Variants in LOC131768270 observed in about 807,000 individuals in gnomAD.
the LOC131768270 span, chr5:140,565,871 A>AG: frequency 5.0e-6 from 2 of 398,938 alleles, no homozygotes; most frequent in Admixed American, 8.8e-5. Flanking sequence ...CGCTTGTCCT[A>AG]GGATTCTCTG....
the LOC131768270 span, chr5:140,565,118 C>T: frequency 2.6e-6 from 1 of 390,486 alleles, no homozygotes. Flanking sequence ...CAAAAACATT[C>T]ACCCTTAAAC....
the LOC131768270 span, chr5:140,566,745 C>T: frequency 1.7e-5 from 10 of 593,170 alleles, no homozygotes; most frequent in South Asian, 1.0e-4. Flanking sequence ...GCAGTTGCTA[C>T]GCAAGGGGCC....
the LOC131768270 span, chr5:140,567,341 G>C: frequency 6.2e-7 from 1 of 1,614,184 alleles, no homozygotes; most frequent in Non-Finnish European, 8.5e-7. Flanking sequence ...GCTGCTGACT[G>C]AGCTGACCAA....
chr5:140,568,363 T>C, the LOC131768270 span: 1 of 681,172 alleles, frequency 1.5e-6, no homozygotes, highest in Non-Finnish European at 2.5e-6. Context: ...AGGAAATGCT[T>C]ACCATCCCCC....
the LOC131768270 span, chr5:140,567,351 A>C: frequency 6.2e-7 from 1 of 1,614,004 alleles, no homozygotes; most frequent in Non-Finnish European, 8.5e-7. Context: ...GAGCTGACCA[A>C]GCTACTGTTA....
At chr5:140,568,090 C>T in the LOC131768270 span, 1 of 1,613,954 alleles carries the variant, frequency 6.2e-7, no homozygotes, top group Non-Finnish European at 8.5e-7. Context: ...CCGCCTTCTT[C>T]CTGGCCACAT....
the LOC131768270 span, chr5:140,566,875 C>T: frequency 1.6e-6 from 1 of 612,916 alleles, no homozygotes; most frequent in Non-Finnish European, 2.9e-6. Context: ...CTGCCACCTT[C>T]ATCCTTGCCT....
At chr5:140,567,750 T>C in the LOC131768270 span, 3 of 1,614,034 alleles carry the variant, frequency 1.9e-6, no homozygotes, top group Non-Finnish European at 2.5e-6. Context: ...CTCCTCATTC[T>C]GTACTGCCTC....
the LOC131768270 span, chr5:140,567,244 A>G: frequency 2.5e-6 from 4 of 1,614,120 alleles, no homozygotes; most frequent in East Asian, 2.2e-5. Flanking sequence ...TGCTACTCCT[A>G]TCCACTGCCA....
the LOC131768270 span, chr5:140,567,370 C>G: frequency 6.2e-7 from 1 of 1,614,202 alleles, no homozygotes. Flanking sequence ...TATGCGCCTT[C>G]TCCCTTCTGG....
the LOC131768270 span, chr5:140,568,177 T>C: frequency 6.2e-7 from 1 of 1,613,398 alleles, no homozygotes; most frequent in Non-Finnish European, 8.5e-7. Flanking sequence ...TTCCGGACCC[T>C]GTAGATTGGG....
chr5:140,567,439 A>G, the LOC131768270 span: 3 of 1,614,058 alleles, frequency 1.9e-6, no homozygotes, highest in Admixed American at 1.7e-5. Flanking sequence ...CTCCCTTCGC[A>G]CTATCAGCCC....
the LOC131768270 span, among the ~76,000 whole-genome samples, chr5:140,566,333 G>A: frequency 6.6e-6 from 1 of 152,192 alleles, no homozygotes; most frequent in Admixed American, 6.5e-5. Context: ...ACCTTGTGTG[G>A]CGGTGGAGTT....
the LOC131768270 span, chr5:140,564,840 G>T: frequency 2.5e-6 from 1 of 403,592 alleles, no homozygotes; most frequent in African/African-American, 2.0e-5. This position sits in a 1 kb window ranked among gnomAD's most constrained non-coding sequence, Gnocchi z 5.0. Flanking sequence ...GTTCGGCGGG[G>T]AAGATGGCGG....
chr5:140,567,559 C>CTG, the LOC131768270 span: 1 of 1,614,218 alleles, frequency 6.2e-7, no homozygotes, highest in South Asian at 1.1e-5. Context: ...CTGTGCTCTA[C>CTG]TGCCTCTGCC....
chr5:140,567,719 A>C, the LOC131768270 span: 1 of 1,614,134 alleles, frequency 6.2e-7, no homozygotes, highest in Non-Finnish European at 8.5e-7. Context: ...GCCCCTGCAT[A>C]TCACTCCGCT....
At chr5:140,567,895 C>T in the LOC131768270 span, 6 of 1,614,174 alleles carry the variant, frequency 3.7e-6, no homozygotes, top group Non-Finnish European at 5.1e-6. Context: ...GCGGCTCTGG[C>T]CCAGGCCTCC....
At chr5:140,565,110 A>G in the LOC131768270 span, 16 of 393,636 alleles carry the variant, frequency 4.1e-5, no homozygotes, top group African/African-American at 2.9e-4. Context: ...CACAGACTCA[A>G]AAACATTCAC....
the LOC131768270 span, chr5:140,568,149 T>C: frequency 6.2e-7 from 1 of 1,613,704 alleles, no homozygotes; most frequent in African/African-American, 1.3e-5. Context: ...CGCTAGTCCC[T>C]GACAACTTCC....
Sources: gnomAD v4.1 joint callset for allele counts (sites outside exome capture counted in the v4.1 genomes callset) on GRCh38, gnomAD v4.1.1 for gene constraint, Gnocchi (gnomAD v3.1) non-coding constraint, MANE v1.5 for transcripts.